The following ZNF518B variants were observed in gnomAD, a reference collection of about 807,000 sequenced individuals.
ZNF518B encodes the protein zinc finger protein 518B.
A neutral mutation model predicts 56.3 loss-of-function variants in ZNF518B; 23 were observed. The observed-to-expected ratio is 0.41, with a 90% confidence interval of 0.29 to 0.58. ZNF518B has a LOEUF of 0.58. Among genes scored for constraint, ZNF518B ranks in the 20% least tolerant of loss-of-function variants. The pLI, the probability that ZNF518B is intolerant of heterozygous loss-of-function variation, is 0.32. For synonymous variants in ZNF518B, 529 were observed against 465.9 expected, an observed-to-expected ratio of 1.14 and a Z score of -1.74; for missense variants, 1,460 against 1,272.1, an observed-to-expected ratio of 1.15 and a Z score of -2.25.
intron 2 of ZNF518B, chr4:10,453,825 C>T (rs1217134256): frequency 6.6e-6 from 1 of 152,112 alleles, no homozygotes; most frequent in African/African-American, 2.4e-5. Flanking sequence ...CCCATTAAAC[C>T]AGTAGTTCTT....
At chr4:10,453,190 G>C (rs757713081) in intron 2 of ZNF518B, 1 of 152,230 alleles carries the variant, frequency 6.6e-6, no homozygotes, top group African/African-American at 2.4e-5. Context: ...TATGCAAGTG[G>C]GAGGTAACTT....
rs980757493 is a variant in ZNF518B, at chr4:10,443,954, G to T, written c.2375C>A (p.Ala792Asp). The T allele has an allele frequency of 1.2e-6, 2 of 1,614,206 alleles. No individual in the cohort carries two copies. Among genetic ancestry groups the T allele is most frequent in the Non-Finnish European group, 1.7e-6 (2 of 1,180,036 alleles). ...TATGCTGACAGGTGCTTCACATGTAGCCTCTATGATGTGGGCATTCTCAGA... is the reference window on the plus strand; with the variant it reads ...TATGCTGACAGGTGCTTCACATGTATCCTCTATGATGTGGGCATTCTCAGA... ...NSSENAHIIE[A>D]TCEAPVSIPC... Residue 792 changes from alanine to aspartate, a missense_variant, in exon 3 of 3, where the codon GCT becomes GAT. Transcript: ENST00000326756.
chr4:10,456,179 A>T (rs1560176336), intron 1 of ZNF518B, among the ~76,000 whole-genome samples: 1 of 152,122 alleles, frequency 6.6e-6, no homozygotes, highest in Non-Finnish European at 1.5e-5. Flanking sequence ...TAAATAGGAC[A>T]TAATGCTCTG....
chr4:10,446,484 T>C lies in ZNF518B; in HGVS notation c.-156A>G. On this transcript the variant is annotated 5_prime_UTR_variant, in exon 3 of 3. Coordinates refer to ENST00000326756, the MANE Select transcript of ZNF518B (RefSeq NM_053042.3). ...TATCTTTCTTTATATACTGCCGCAGTAGGTGCATGATCCCAAAATATGACT... is the reference window on the plus strand; with the variant it reads ...TATCTTTCTTTATATACTGCCGCAGCAGGTGCATGATCCCAAAATATGACT... 1.5e-6 allele frequency: 1 copy of C among 678,156 alleles called. No individual in the cohort carries two copies. Among genetic ancestry groups the C allele is most frequent in the Non-Finnish European group, 2.5e-6 (1 of 401,766 alleles). The allele number at this position is 678,156 out of a possible 1,614,324, so 42.0% of individuals were successfully genotyped here. A position where few individuals can be genotyped will look rare whatever the true frequency, so the allele number is the denominator to read the frequency against.
At position 10,443,766 on chromosome 4, in the gene ZNF518B, T is replaced by A. The variant is rs988015972; in HGVS notation, c.2563A>T (p.Ser855Cys). The A allele has an allele frequency of 1.2e-6, 2 of 1,614,096 alleles. No homozygotes were observed. The highest frequency in any genetic ancestry group is 1.3e-5 in the African/African-American group (1 of 74,942). Reference sequence around the variant, plus strand: ...AGGCCAGTTTTTCTATGGATGGTGCTACAGACAGCACTCTCTTTTCTCAGT... The same window carrying A: ...AGGCCAGTTTTTCTATGGATGGTGCAACAGACAGCACTCTCTTTTCTCAGT... The part of the protein sequence containing the change: ...PKLRKESAVC[S>C]TIHRKTGLLY... The change falls in exon 3 of 3, where the codon AGC becomes TGC. Residue 855 changes from serine to cysteine, a missense_variant. Coordinates refer to ENST00000326756, the MANE Select transcript of ZNF518B (RefSeq NM_053042.3).
chr4:10,446,036 A>G lies in ZNF518B; in HGVS notation c.293T>C (p.Phe98Ser), dbSNP rs752310643. The change falls in exon 3 of 3, where the codon TTT becomes TCT. Residue 98 changes from phenylalanine to serine, a missense_variant. Physicochemically the swap from Phe to Ser is radical, Grantham distance 155 (BLOSUM62 -2). Coordinates refer to ENST00000326756, the MANE Select transcript of ZNF518B (RefSeq NM_053042.3). ...ACTGGAATTATTGCTCACAAAATGA[A>G]AATTGGGAGGAGCTGCACCGAGGCT... is the stretch of plus-strand genomic sequence containing the variant. ...QCSLGAAPPN[F>S]HFVSNNSSAT... 6.2e-6 allele frequency: 10 copies of G among 1,614,134 alleles called. No individual in the cohort carries two copies. The highest frequency in any genetic ancestry group is 8.5e-6 in the Non-Finnish European group (10 of 1,180,032).
upstream of ZNF518B, among the ~76,000 whole-genome samples, chr4:10,460,952 G>T (rs1430411937): frequency 6.6e-6 from 1 of 152,152 alleles, no homozygotes. Flanking sequence ...AAACATTTCA[G>T]AAGTTTTTAG....
In ZNF518B at chr4:10,443,856, G is replaced by C; in HGVS notation, c.2473C>G (p.Pro825Ala). 6.2e-7 allele frequency: 1 copy of C among 1,614,164 alleles called. No homozygotes were observed. The highest frequency in any genetic ancestry group is 8.5e-7 in the Non-Finnish European group (1 of 1,180,030). ...PVRQADSDLQPLRSERGPIDM... is the reference protein window; with the variant it reads ...PVRQADSDLQALRSERGPIDM... ...ATTGGCCCCCTTTCACTTCTTAAAG[G>C]CTGTAAGTCTGAGTCCGCCTGTCTC... Residue 825 changes from proline to alanine, a missense_variant, in exon 3 of 3, where the codon CCT becomes GCT. Physicochemically the swap from Pro to Ala is conservative, Grantham distance 27 (BLOSUM62 -1). Coordinates refer to ENST00000326756, the MANE Select transcript of ZNF518B (RefSeq NM_053042.3).
intron 2 of ZNF518B, among the ~76,000 whole-genome samples, chr4:10,448,495 C>A (rs1381568624): frequency 2.0e-5 from 3 of 152,186 alleles, no homozygotes; most frequent in Admixed American, 1.3e-4. Context: ...GCTGTATTTT[C>A]TTTGGCAGTG....
chr4:10,456,327 T>C (rs1715524897), intron 1 of ZNF518B, among the ~76,000 whole-genome samples: 1 of 152,210 alleles, frequency 6.6e-6, no homozygotes, highest in South Asian at 2.1e-4. Context: ...TTTTGGCTTT[T>C]CCTTTCTGGT....
rs746514512 is a variant in ZNF518B at position 10,443,074 on chromosome 4, G to C, written c.*30C>G. 6.3e-7 allele frequency: 1 copy of C among 1,575,784 alleles called. No individual in the cohort carries two copies. The highest frequency in any genetic ancestry group is 8.6e-7 in the Non-Finnish European group (1 of 1,160,798). ...GACTCCAAACCAGAATAAACTAAAA[G>C]ATAACTTGCTTTAAAGAGTAACTGT... On this transcript the variant is annotated 3_prime_UTR_variant, in exon 3 of 3. Coordinates refer to ENST00000326756, the MANE Select transcript of ZNF518B (RefSeq NM_053042.3).
At chr4:10,451,433 T>C (rs1432289537) in intron 2 of ZNF518B, 1 of 152,230 alleles carries the variant, frequency 6.6e-6, no homozygotes, top group East Asian at 1.9e-4. Context: ...ACAACCTGGG[T>C]ATACCCACTG....
chr4:10,452,526 C>G (rs1447501806), intron 2 of ZNF518B: 1 of 152,044 alleles, frequency 6.6e-6, no homozygotes, highest in Non-Finnish European at 1.5e-5. Context: ...CATCAACTGC[C>G]AAAATTTCCC....
At position 10,446,151 on chromosome 4, in the gene ZNF518B, A is replaced by G. The variant is rs750279656; in HGVS notation, c.178T>C (p.Cys60Arg). The change falls in exon 3 of 3, where the codon TGT becomes CGT. Residue 60 changes from cysteine (C) to arginine (R), a missense_variant. Coordinates refer to ENST00000326756, the MANE Select transcript of ZNF518B (RefSeq NM_053042.3). The part of the protein sequence containing the change: ...AEAAMMTIAT[C>R]AKCKSVHKIS... The stretch of plus-strand genomic sequence containing the variant: ...TTGTGAACACTTTTGCACTTTGCAC[A>G]TGTAGCAATGGTCATCATGGCAGCC... 2 of 1,614,210 alleles carry G rather than the reference A, an allele frequency of 1.2e-6. No individual in the cohort carries two copies. The highest frequency in any genetic ancestry group is 1.1e-5 in the South Asian group (1 of 91,084).
At position 10,442,854 on chromosome 4, in the gene ZNF518B, T is replaced by G. The variant is rs1332866386; in HGVS notation, c.*250A>C. On this transcript the variant is annotated 3_prime_UTR_variant, in exon 3 of 3. Transcript: ENST00000326756. ...CAGATCCCACTGAAAATCTGTTCAG[T>G]TTCACAGGCTCTCTCCAGAAAAATG... is the stretch of plus-strand genomic sequence containing the variant. 2.3e-6 allele frequency: 1 copy of G among 431,392 alleles called. No homozygotes were observed. Among genetic ancestry groups the G allele is most frequent in the African/African-American group, 2.0e-5 (1 of 50,852 alleles). 26.7% of individuals were successfully genotyped at this position (431,392 alleles called of 1,614,324 possible).
upstream of ZNF518B, among the ~76,000 whole-genome samples, chr4:10,457,816 T>A (rs1257177217): frequency 6.6e-6 from 1 of 152,184 alleles, no homozygotes; most frequent in East Asian, 1.9e-4. Context: ...AAACTCGTCT[T>A]CTTGGAGAGC....
chr4:10,446,272 G>A lies in ZNF518B; in HGVS notation c.57C>T (p.Ser19=). 6.2e-7 allele frequency: 1 copy of A among 1,614,230 alleles called. No individual in the cohort carries two copies. Among genetic ancestry groups the A allele is most frequent in the Non-Finnish European group, 8.5e-7 (1 of 1,180,050 alleles). ...YTTHLNGGHN[S]LTMSPKQPDA... The stretch of plus-strand genomic sequence containing the variant: ...CAGGCTGTTTGGGTGACATGGTCAA[G>A]GAATTATGTCCGCCGTTCAAGTGTG... Residue 19 remains serine (S), a synonymous_variant, in exon 3 of 3, where the codon TCC becomes TCT. Coordinates refer to ENST00000326756, the MANE Select transcript of ZNF518B (RefSeq NM_053042.3).
At position 10,444,179 on chromosome 4, in the gene ZNF518B, A is replaced by G. The variant is rs761209141; in HGVS notation, c.2150T>C (p.Leu717Pro). ...IQEINVSLTGLGHSTGTLQKP... is the reference protein window; with the variant it reads ...IQEINVSLTGPGHSTGTLQKP... ...CTGAAGAGTACCTGTGGAATGGCCA[A>G]GACCAGTGAGTGACACGTTGATTTC... The change falls in exon 3 of 3, where the codon CTT (leucine) becomes CCT (proline). Residue 717 changes from leucine to proline, a missense_variant. Transcript: ENST00000326756. 3 of 1,614,248 alleles carry G rather than the reference A, an allele frequency of 1.9e-6. No homozygotes were observed. In the East Asian group the frequency reaches 6.7e-5, roughly 36 times the overall value.
At position 10,442,100 on chromosome 4, in the gene ZNF518B, T is replaced by A. The variant is rs1714707576; in HGVS notation, c.*1004A>T. 1 of 152,346 alleles carries A rather than the reference T, an allele frequency of 6.6e-6. No homozygotes were observed. The highest frequency in any genetic ancestry group is 2.4e-5 in the African/African-American group (1 of 41,572). The allele number at this position is 152,346 out of a possible 1,614,324, so 9.4% of individuals were successfully genotyped here. A position where few individuals can be genotyped will look rare whatever the true frequency, so the allele number is the denominator to read the frequency against. ...TTCAGAAGAAATGGCAAAGGGAGTC[T>A]AGTGTCCATGAATCAAAGGGATCAA... On this transcript the variant is annotated 3_prime_UTR_variant, in exon 3 of 3. Coordinates refer to ENST00000326756, the MANE Select transcript of ZNF518B (RefSeq NM_053042.3).
Sources: gnomAD v4.1 joint callset for allele counts (sites outside exome capture counted in the v4.1 genomes callset) on GRCh38, gnomAD v4.1.1 for gene constraint, MANE v1.5 for transcripts, NCBI Gene and HGNC (gene_info 2026-07-23, HGNC 2026-07-21) for gene names.